WWOX: variants seen among roughly 807,000 people sequenced by gnomAD.
WWOX encodes the protein WW domain containing oxidoreductase, also known as WW domain-containing oxidoreductase.
WWOX carries 69 observed loss-of-function variants against 46.2 expected under a neutral mutation model. The observed-to-expected ratio is 1.49, with a 90% CI of 1.23 to 1.82. WWOX has a LOEUF of 1.82. Ranked by LOEUF, WWOX falls within the 40% of genes most tolerant of loss-of-function variation. The pLI is 0.00. For synonymous variants in WWOX, 359 were observed against 202.6 expected, an observed-to-expected ratio of 1.77 and a Z score of -6.56; for missense variants, 919 against 542.6, an observed-to-expected ratio of 1.69 and a Z score of -6.89.
At chr16:79,032,258 CATATACATAAT>C (rs2047777222) in intron 8 of WWOX, among the ~76,000 whole-genome samples, 1 of 145,120 alleles carries the variant, frequency 6.9e-6, no homozygotes, top group African/African-American at 2.5e-5. Flanking sequence ...ATATATATTA[CATATACATAAT>C]ATATACATAA....
At chr16:78,506,925 A>T (rs775169682) in intron 8 of WWOX, among the ~76,000 whole-genome samples, 8 of 151,822 alleles carry the variant, frequency 5.3e-5, no homozygotes, top group Admixed American at 2.6e-4. Context: ...TGTTGGCCAT[A>T]TTGGTCTTGA....
In WWOX at chr16:78,517,816, CAAG is replaced by C. The variant is rs1257022878; in HGVS notation, c.1056+85068_1056+85070del. 3.9e-5 allele frequency among the ~76,000 whole-genome samples: 5 copies of C among 129,734 alleles called. No homozygotes were observed. In the East Asian group the frequency reaches 9.1e-4, roughly 23 times the overall value. 85.1% of individuals were successfully genotyped at this position (129,734 alleles called of 152,430 possible). A position where few individuals can be genotyped will look rare whatever the true frequency, so the allele number is the denominator to read the frequency against. On this transcript the variant is annotated intron_variant, in intron 8 of 8. Coordinates refer to ENST00000566780, the MANE Select transcript of WWOX (RefSeq NM_016373.4). ...TTAAGAGTGATGTCGTTTTATATAA[CAAG>C]AAGTGAAAAAAAAAAAGAATGATGT...
chr16:79,197,925 T>C (rs1597466864), intron 8 of WWOX, among the ~76,000 whole-genome samples: 1 of 152,240 alleles, frequency 6.6e-6, no homozygotes, highest in East Asian at 1.9e-4. Flanking sequence ...TAGGAAAGCA[T>C]AGGAGTTAAG....
At chr16:78,817,583 C>A (rs534338502) in intron 8 of WWOX, among the ~76,000 whole-genome samples, 1 of 152,326 alleles carries the variant, frequency 6.6e-6, no homozygotes, top group Non-Finnish European at 1.5e-5. Flanking sequence ...TACAAAACCT[C>A]TCGCTTGGAG....
At chr16:78,411,084 G>A (rs2082669549) in intron 6 of WWOX, among the ~76,000 whole-genome samples, 1 of 152,106 alleles carries the variant, frequency 6.6e-6, no homozygotes, top group Non-Finnish European at 1.5e-5. Flanking sequence ...GCATCTTTTT[G>A]TAAACCAATC....
At chr16:78,636,921 C>T (rs2046586506) in intron 8 of WWOX, among the ~76,000 whole-genome samples, 1 of 152,198 alleles carries the variant, frequency 6.6e-6, no homozygotes, top group African/African-American at 2.4e-5. Flanking sequence ...TTAGTTAAAA[C>T]TCCTTATCTG....
chr16:79,162,384 ACT>A (rs959637121), intron 8 of WWOX, among the ~76,000 whole-genome samples: 1 of 151,816 alleles, frequency 6.6e-6, no homozygotes, highest in Non-Finnish European at 1.5e-5. Flanking sequence ...AGGTTGTAAT[ACT>A]CTCTCTTGTC....
intron 8 of WWOX, among the ~76,000 whole-genome samples, chr16:78,520,011 T>C (rs1362525718): frequency 6.6e-6 from 1 of 152,230 alleles, no homozygotes; most frequent in African/African-American, 2.4e-5. Flanking sequence ...TTTTCCACAC[T>C]GAGAACATAC....
chr16:78,103,280 T>C (rs73562741), intron 1 of WWOX, among the ~76,000 whole-genome samples: 2 of 151,074 alleles, frequency 1.3e-5, no homozygotes, highest in African/African-American at 4.9e-5. Context: ...AATTTAACTT[T>C]AAATTCCGGG....
rs541651155 is a variant in WWOX at position 78,246,064 on chromosome 16, C to T, written c.516+81775C>T. ...CACAAGTGGTACAAATCTGCCTTCC[C>T]TCATTCTTTTTTGCAGATCATCCCG... On this transcript the variant is annotated intron_variant, in intron 5 of 8. Coordinates refer to ENST00000566780, the MANE Select transcript of WWOX (RefSeq NM_016373.4). 2.9e-4 allele frequency among the ~76,000 whole-genome samples: 44 copies of T among 152,276 alleles called. No homozygotes were observed. The South Asian group carries it at 8.5e-3, about 29-fold the overall frequency.
chr16:78,471,875 A>G (rs2084230748), intron 8 of WWOX, among the ~76,000 whole-genome samples: 1 of 152,124 alleles, frequency 6.6e-6, no homozygotes, highest in African/African-American at 2.4e-5. Context: ...ACCAATTTGC[A>G]ATTTTTTTTT....
chr16:78,369,859 A>C (rs183473011), intron 5 of WWOX, among the ~76,000 whole-genome samples: 3 of 152,118 alleles, frequency 2.0e-5, no homozygotes, highest in Non-Finnish European at 2.9e-5. Flanking sequence ...AAGGGCACGC[A>C]CAATGGCTCA....
At chr16:79,062,935 T>C (rs1044053802) in intron 8 of WWOX, among the ~76,000 whole-genome samples, 1 of 152,126 alleles carries the variant, frequency 6.6e-6, no homozygotes, top group African/African-American at 2.4e-5. Context: ...GCTCAAAAGG[T>C]CAATTACCCA....
chr16:78,593,178 C>G (rs111806114), intron 8 of WWOX, among the ~76,000 whole-genome samples: 7 of 151,768 alleles, frequency 4.6e-5, no homozygotes, highest in African/African-American at 1.7e-4. Flanking sequence ...GGAGTGTATC[C>G]TGATTCTTTT....
chr16:79,143,325 A>C (rs1302076235), intron 8 of WWOX, among the ~76,000 whole-genome samples: 1 of 152,180 alleles, frequency 6.6e-6, no homozygotes, highest in Non-Finnish European at 1.5e-5. Context: ...TAACACATTA[A>C]ATGTATTTAA....
At chr16:78,311,849 GAGACA>G (rs2080251530) in intron 5 of WWOX, among the ~76,000 whole-genome samples, 2 of 152,120 alleles carry the variant, frequency 1.3e-5, no homozygotes, top group African/African-American at 4.8e-5. Flanking sequence ...TTAGTGTCTT[GAGACA>G]AGACATTTAT....
chr16:78,756,749 A>C (rs1254210806), intron 8 of WWOX, among the ~76,000 whole-genome samples: 1 of 152,150 alleles, frequency 6.6e-6, no homozygotes, highest in Non-Finnish European at 1.5e-5. Flanking sequence ...ATCAAACCTA[A>C]GTTGGGGAAT....
intron 8 of WWOX, among the ~76,000 whole-genome samples, chr16:78,460,316 C>G (rs572304556): frequency 6.6e-4 from 101 of 152,076 alleles, no homozygotes; most frequent in African/African-American, 2.2e-3. Context: ...TTAGTAGAGG[C>G]GGAGTTTCAC....
At chr16:79,178,380 G>T (rs114963168) in intron 8 of WWOX, among the ~76,000 whole-genome samples, 2 of 151,988 alleles carry the variant, frequency 1.3e-5, no homozygotes, top group Non-Finnish European at 2.9e-5. Flanking sequence ...GCAGTGGTGC[G>T]GTCACAGCTC....
Sources: gnomAD v4.1 joint callset for allele counts (sites outside exome capture counted in the v4.1 genomes callset) on GRCh38, gnomAD v4.1.1 for gene constraint, MANE v1.5 for transcripts, NCBI Gene and HGNC (gene_info 2026-07-23, HGNC 2026-07-21) for gene names.